The following ARHGAP4 variants were observed in gnomAD, a reference collection of about 807,000 sequenced individuals.
ARHGAP4 encodes the protein rho GTPase-activating protein 4.
ARHGAP4 carries 25 observed loss-of-function variants against 67.6 expected under a neutral mutation model. The ratio of observed to expected loss-of-function variants is 0.37; its 90% confidence interval spans 0.27 to 0.52. ARHGAP4 has a LOEUF of 0.52. Ranked by LOEUF, ARHGAP4 falls within the 20% of genes least tolerant of loss-of-function variation. ARHGAP4 has a pLI of 0.92. For missense variants in ARHGAP4, 804 were observed against 854.6 expected, an observed-to-expected ratio of 0.94 and a Z score of 0.74; for synonymous variants, 448 against 373.7, an observed-to-expected ratio of 1.20 and a Z score of -2.29.
At position 153,907,830 on chromosome X, in the gene ARHGAP4, G is replaced by A. The variant is rs782525717; in HGVS notation, c.2740C>T (p.Arg914Cys). The part of the protein sequence containing the change: ...PRSPKAPPSS[R>C]LGRNKGFSRG... ...GAGAAGCCTTTGTTCCTGCCCAGGC[G>A]GCTGCTGGGCGGGGCCTTTGGGCTT... Residue 914 changes from arginine (R) to cysteine (C), a missense_variant, in exon 22 of 22, where the codon CGC becomes TGC. Arg to Cys is a radical substitution (Grantham distance 180, BLOSUM62 -3). Transcript: ENST00000350060. 10 of 1,012,161 alleles carry A rather than the reference G, an allele frequency of 9.9e-6. No homozygotes were observed. In the South Asian group the frequency reaches 1.6e-4, roughly 17 times the overall value. 83.4% of individuals were successfully genotyped at this position (1,012,161 alleles called of 1,213,427 possible).
At chrX:153,911,252 CTTTTTT>C (rs10710691) in intron 12 of ARHGAP4, 63 bp from the exon 13 acceptor site, 608 of 419,752 alleles carry the variant, frequency 1.4e-3, no homozygotes, top group East Asian at 3.3e-3. Flanking sequence ...CATTCAATTG[CTTTTTT>C]TTTTTTTTTT....
In ARHGAP4 at chrX:153,920,689, A is replaced by T; in HGVS notation, c.618T>A (p.Gly206=). Reference sequence around the variant, plus strand: ...TGCGGAGGGGCCCTGCCTCAGTGGCACCAGCGGTGGTGGTGGGGACACTCC... The same window carrying T: ...TGCGGAGGGGCCCTGCCTCAGTGGCTCCAGCGGTGGTGGTGGGGACACTCC... The part of the protein sequence containing the change: ...AGRSVPTTTA[G]ATEAGPLRKS... The change falls in exon 5 of 22, where the codon GGT becomes GGA. Residue 206 remains glycine (G), a synonymous_variant. Coordinates refer to ENST00000350060, the MANE Select transcript of ARHGAP4 (RefSeq NM_001666.5). The T allele has an allele frequency of 8.3e-7, 1 of 1,211,515 alleles. No individual in the cohort carries two copies. The highest frequency in any genetic ancestry group is 1.1e-6 in the Non-Finnish European group (1 of 895,445).
rs1466053725 is a variant in ARHGAP4, at chrX:153,909,783, A to G, written c.2372T>C (p.Met791Thr). The G allele has an allele frequency of 5.0e-6, 6 of 1,201,784 alleles. No homozygotes were observed. The highest frequency in any genetic ancestry group is 6.7e-6 in the Non-Finnish European group (6 of 891,400). ...SDWWRGEHNG[M>T]RGLIPHKYIT... ...ATACTTGTGGGGGATGAGGCCCCGC[A>G]TGCCGTTGTGCTCCCCCCGCCACCA... is the stretch of plus-strand genomic sequence containing the variant. Residue 791 changes from methionine (M) to threonine (T), a missense_variant, in exon 19 of 22, where the codon ATG (methionine) becomes ACG (threonine). By Grantham distance (81) the Met-to-Thr change is moderately conservative. Around this residue, in one of 2 missense-constraint regions of ARHGAP4, gnomAD observed 400 missense variants for 348.7 expected, o/e 1.15. Transcript: ENST00000350060.
At position 153,907,702 on chromosome X, in the gene ARHGAP4, G is replaced by A. The variant is rs782060233; in HGVS notation, c.*27C>T. 18 of 855,421 alleles carry A rather than the reference G, an allele frequency of 2.1e-5. No homozygotes were observed. The African/African-American group carries it at 3.3e-4, about 16-fold the overall frequency. 70.5% of individuals were successfully genotyped at this position (855,421 alleles called of 1,213,427 possible). A position where few individuals can be genotyped will look rare whatever the true frequency, so the allele number is the denominator to read the frequency against. On this transcript the variant is annotated 3_prime_UTR_variant, in exon 22 of 22. Coordinates refer to ENST00000350060, the MANE Select transcript of ARHGAP4 (RefSeq NM_001666.5). ...TGGCCGGTCCAGCGGGTAGCCGCCGGGGGCACGCATCTCCAGCAGCGGCAC... is the reference window on the plus strand; with the variant it reads ...TGGCCGGTCCAGCGGGTAGCCGCCGAGGGCACGCATCTCCAGCAGCGGCAC...
chrX:153,914,116 C>T (rs782544954), intron 7 of ARHGAP4: 27 of 407,254 alleles, frequency 6.6e-5, no homozygotes, highest in Admixed American at 3.4e-4. Context: ...AAACTCAGCG[C>T]GGTCTACCCA....
chrX:153,912,754 G>A lies in ARHGAP4; in HGVS notation c.1488C>T (p.Pro496=). ...AGAGTCTCTGGTTATACTGGGAGCT[G>A]GGGCGGGGCTGGCGGCTCTTCTGGA... is the stretch of plus-strand genomic sequence containing the variant. ...RKFQKSRQPR[P]SSQYNQRLFG... Residue 496 remains proline, a synonymous_variant, in exon 12 of 22, where the codon CCC becomes CCT. Coordinates refer to ENST00000350060, the MANE Select transcript of ARHGAP4 (RefSeq NM_001666.5). 2.5e-6 allele frequency: 3 copies of A among 1,211,842 alleles called. No homozygotes were observed. The highest frequency in any genetic ancestry group is 3.4e-6 in the Non-Finnish European group (3 of 895,285).
At chrX:153,923,293 T>C (rs782403160) in intron 1 of ARHGAP4, among the ~76,000 whole-genome samples, 12 of 111,552 alleles carry the variant, frequency 1.1e-4, no homozygotes, top group Admixed American at 5.7e-4. Context: ...CTCAATCCCA[T>C]TGGATTTCTG....
rs374365078 is a variant in ARHGAP4 at position 153,910,151 on chromosome X, C to T, written c.2156+20G>A. 1.7e-5 allele frequency: 20 copies of T among 1,208,894 alleles called. No homozygotes were observed. In the Middle Eastern group the frequency reaches 1.8e-3, roughly 111 times the overall value. Reference sequence around the variant, plus strand: ...TCTCCAGTGGACCCCCCAGTCCCCTCGGCAGCACCAAGGGTGTACCCCAGG... The same window carrying T: ...TCTCCAGTGGACCCCCCAGTCCCCTTGGCAGCACCAAGGGTGTACCCCAGG... On this transcript the variant is annotated intron_variant, in intron 17 of 21. Coordinates refer to ENST00000350060, the MANE Select transcript of ARHGAP4 (RefSeq NM_001666.5).
In ARHGAP4 at chrX:153,910,294, C is replaced by T. The variant is rs781788948; in HGVS notation, c.2033G>A (p.Gly678Asp). The T allele has an allele frequency of 1.5e-5, 18 of 1,209,685 alleles. No individual in the cohort carries two copies. The highest frequency in any genetic ancestry group is 1.9e-5 in the Non-Finnish European group (17 of 894,750). ...CGTCTGCACCAGCTGGTTCACCCGG[C>T]CCTGCAGCGCCACCGGGTCCTGCCC... ...PAGQDPVALQ[G>D]RVNQLVQTLI... The change falls in exon 17 of 22, where the codon GGC (glycine) becomes GAC (aspartate). Residue 678 changes from glycine to aspartate, a missense_variant. Physicochemically the swap from Gly to Asp is moderately conservative, Grantham distance 94 (BLOSUM62 -1). This residue lies in a region of ARHGAP4 where 400 missense variants were observed against 348.7 expected (regional missense o/e 1.15). Transcript: ENST00000350060.
chrX:153,909,194 T>A (rs781974611), intron 20 of ARHGAP4, 25 bp from the exon 21 acceptor site: 1 of 1,160,996 alleles, frequency 8.6e-7, no homozygotes, highest in East Asian at 3.1e-5. Flanking sequence ...GGGAGCCTGG[T>A]GGGGGCCCTG....
intron 21 of ARHGAP4, 54 bp from the exon 22 acceptor site, chrX:153,908,016 T>G: frequency 9.4e-7 from 1 of 1,058,509 alleles, no homozygotes; most frequent in Non-Finnish European, 1.2e-6. Context: ...CGACTGACCC[T>G]GCCCAAGACC....
In ARHGAP4 at chrX:153,921,615, G is replaced by C. The variant is rs2065095434; in HGVS notation, c.262C>G (p.Gln88Glu). The C allele has an allele frequency of 8.3e-7, 1 of 1,209,394 alleles. No individual in the cohort carries two copies. Among genetic ancestry groups the C allele is most frequent in the African/African-American group, 1.7e-5 (1 of 57,970 alleles). The change falls in exon 2 of 22, where the codon CAA (glutamine) becomes GAA (glutamate). Residue 88 changes from glutamine to glutamate, a missense_variant. By Grantham distance (29) the Gln-to-Glu change is conservative. This residue lies in a region of ARHGAP4 where 404 missense variants were observed against 505.9 expected (regional missense o/e 0.80). Coordinates refer to ENST00000350060, the MANE Select transcript of ARHGAP4 (RefSeq NM_001666.5). Reference protein sequence around the residue: ...GGRLGSSREHQSFRKEPSLLS... With the variant: ...GGRLGSSREHESFRKEPSLLS... ...CAGCACATCACCTACCGGAAGCTTTGGTGCTCCCGGCTGCTCCCCAGGCGG... is the reference window on the plus strand; with the variant it reads ...CAGCACATCACCTACCGGAAGCTTTCGTGCTCCCGGCTGCTCCCCAGGCGG...
intron 11 of ARHGAP4, 89 bp downstream of exon 11, chrX:153,912,935 G>C (rs1411441244): frequency 1.8e-6 from 2 of 1,128,994 alleles, no homozygotes; most frequent in East Asian, 6.1e-5. Context: ...GGGGAAGTGA[G>C]GCCCAGGGGA....
At chrX:153,922,862 G>C (rs1159281805) in intron 1 of ARHGAP4, among the ~76,000 whole-genome samples, 1 of 111,080 alleles carries the variant, frequency 9.0e-6, no homozygotes, top group Non-Finnish European at 1.9e-5. Context: ...GCTGGGATTG[G>C]AATGGGGCAC....
intron 1 of ARHGAP4, among the ~76,000 whole-genome samples, chrX:153,924,526 A>G (rs1557105850): frequency 9.0e-6 from 1 of 111,664 alleles, no homozygotes; most frequent in African/African-American, 3.3e-5. Flanking sequence ...TTATTATCAT[A>G]ATGCAAAGTC....
chrX:153,924,010 C>G (rs1250280880), intron 1 of ARHGAP4, among the ~76,000 whole-genome samples: 1 of 111,613 alleles, frequency 9.0e-6, no homozygotes, highest in East Asian at 2.8e-4. Flanking sequence ...AACTCCTGAC[C>G]TCAGGTGATC....
chrX:153,922,342 G>A, intron 1 of ARHGAP4: 1 of 760,087 alleles, frequency 1.3e-6, no homozygotes, highest in Non-Finnish European at 1.6e-6. Flanking sequence ...GGCCCCAGGG[G>A]AAAGGACAGT....
chrX:153,921,057 T>C (rs1557105177), intron 4 of ARHGAP4, 40 bp downstream of exon 4: 3 of 1,179,070 alleles, frequency 2.5e-6, no homozygotes, highest in Admixed American at 2.3e-5. Flanking sequence ...CATTTCTCCC[T>C]GGACCATTGG....
chrX:153,923,053 C>T (rs1211666576), intron 1 of ARHGAP4, among the ~76,000 whole-genome samples: 5 of 110,727 alleles, frequency 4.5e-5, no homozygotes, highest in African/African-American at 1.6e-4. Flanking sequence ...TAGGGGGAGT[C>T]CGAGAGACCG....
Sources: gnomAD v4.1 joint callset for allele counts (sites outside exome capture counted in the v4.1 genomes callset) on GRCh38, gnomAD v4.1.1 for gene constraint, gnomAD v4.1.1 regional missense constraint, MANE v1.5 for transcripts, NCBI Gene and HGNC (gene_info 2026-07-23, HGNC 2026-07-21) for gene names.